COL11A1: variants seen among roughly 807,000 people sequenced by gnomAD.
COL11A1 encodes collagen alpha-1(XI) chain.
Under a neutral mutation model 265.2 loss-of-function variants are expected in COL11A1, and 74 were observed. That is an observed-to-expected ratio of 0.28 (90% CI 0.23 to 0.34). The LOEUF is 0.34. Among genes scored for constraint, COL11A1 ranks in the 10% least tolerant of loss-of-function variants. The probability of loss-of-function intolerance (pLI) is 1.00; values close to 1 mark genes in which losing one functional copy is unlikely to be tolerated. For missense variants in COL11A1, 2,165 were observed against 2,263.6 expected, an observed-to-expected ratio of 0.96 and a Z score of 0.88; for synonymous variants, 816 against 727.6, an observed-to-expected ratio of 1.12 and a Z score of -1.96.
chr1:103,074,330 C>T (rs913600773), intron 4 of COL11A1, among the ~76,000 whole-genome samples: 4 of 151,990 alleles, frequency 2.6e-5, no homozygotes, highest in Admixed American at 6.6e-5. Flanking sequence ...ATAATACAAA[C>T]TACTAAGAGT....
At chr1:103,008,418 CAAA>C (rs750394102) in intron 15 of COL11A1, 42 bp downstream of exon 15, 2 of 1,510,922 alleles carry the variant, frequency 1.3e-6, no homozygotes, top group South Asian at 2.3e-5. Flanking sequence ...TATGCTGTAT[CAAA>C]GAAGCCAGTC....
intron 41 of COL11A1, among the ~76,000 whole-genome samples, chr1:102,960,504 A>G (rs902571189): frequency 4.6e-5 from 7 of 151,950 alleles, no homozygotes; most frequent in Non-Finnish European, 8.8e-5. Flanking sequence ...GGGAATTTTT[A>G]CAAATACATG....
At chr1:102,885,591 A>T (rs914025984) in intron 63 of COL11A1, among the ~76,000 whole-genome samples, 1 of 152,140 alleles carries the variant, frequency 6.6e-6, no homozygotes, top group Admixed American at 6.6e-5. Flanking sequence ...CCATTAATAT[A>T]ATCATGTCTG....
intron 2 of COL11A1, among the ~76,000 whole-genome samples, chr1:103,079,423 G>T (rs897561037): frequency 2.6e-5 from 4 of 152,102 alleles, no homozygotes; most frequent in Non-Finnish European, 5.9e-5. Context: ...GAACTATTAG[G>T]TAATTGGCTA....
intron 4 of COL11A1, among the ~76,000 whole-genome samples, chr1:103,041,458 C>T (rs1400504541): frequency 6.6e-6 from 1 of 151,316 alleles, no homozygotes; most frequent in Non-Finnish European, 1.5e-5. Flanking sequence ...AATTGCATTT[C>T]TATATATTTA....
chr1:102,972,757 G>A (rs1486939327), intron 36 of COL11A1, among the ~76,000 whole-genome samples: 1 of 152,094 alleles, frequency 6.6e-6, no homozygotes, highest in Non-Finnish European at 1.5e-5. Flanking sequence ...AAACTTGTAG[G>A]TAATTGTTTA....
In COL11A1 at chr1:103,014,504, G is replaced by T. The variant is rs779905911; in HGVS notation, c.1572+7C>A. 1.2e-6 allele frequency: 2 copies of T among 1,613,088 alleles called. No homozygotes were observed. The highest frequency in any genetic ancestry group is 1.7e-6 in the Non-Finnish European group (2 of 1,179,214). ...TCTTGTGGGAATGCAAGTTTATCCTGTCTTACCCGAGCCTGCTGAAGAATA... is the reference window on the plus strand; with the variant it reads ...TCTTGTGGGAATGCAAGTTTATCCTTTCTTACCCGAGCCTGCTGAAGAATA... On this transcript the variant is annotated splice_region_variant and intron_variant, in intron 13 of 66. Transcript: ENST00000370096.
At chr1:102,917,164 C>T (rs1655432988) in intron 49 of COL11A1, among the ~76,000 whole-genome samples, 1 of 151,826 alleles carries the variant, frequency 6.6e-6, no homozygotes, top group Non-Finnish European at 1.5e-5. Context: ...AATTCAACTA[C>T]AAGGCTGTAG....
At chr1:102,964,317 A>G (rs1661195261) in intron 38 of COL11A1, among the ~76,000 whole-genome samples, 1 of 152,218 alleles carries the variant, frequency 6.6e-6, no homozygotes, top group Admixed American at 6.5e-5. Context: ...AGTTGTTTTA[A>G]ACAGGAAAAA....
Position 102,939,216 on chromosome 1 carries a change from T to C in COL11A1, c.3385-128A>G, listed in dbSNP as rs1251405668. 7.1e-6 allele frequency: 6 copies of C among 844,526 alleles called. No individual in the cohort carries two copies. In the Admixed American group the frequency reaches 7.6e-5, roughly 11 times the overall value. 52.3% of individuals were successfully genotyped at this position (844,526 alleles called of 1,614,324 possible). Reference sequence around the variant, plus strand: ...TAGTGTGTAATGTCACTGTTTAAAATGGAAAATCTTGGGTTCCCACTGCTT... The same window carrying C: ...TAGTGTGTAATGTCACTGTTTAAAACGGAAAATCTTGGGTTCCCACTGCTT... On this transcript the variant is annotated intron_variant, in intron 43 of 66. Coordinates refer to ENST00000370096, the MANE Select transcript of COL11A1 (RefSeq NM_001854.4).
chr1:102,905,046 A>C (rs2100971312), intron 54 of COL11A1, among the ~76,000 whole-genome samples: 1 of 152,128 alleles, frequency 6.6e-6, no homozygotes, highest in South Asian at 2.1e-4. Context: ...TGCAGCCATA[A>C]AAAATGATGA....
chr1:102,939,473 G>A (rs1658495302), intron 43 of COL11A1, among the ~76,000 whole-genome samples: 1 of 152,130 alleles, frequency 6.6e-6, no homozygotes, highest in Non-Finnish European at 1.5e-5. Context: ...GGAGGTTGAG[G>A]TGAAAGGTTG....
chr1:102,890,391 C>G, intron 58 of COL11A1, 60 bp downstream of exon 58: 2 of 1,376,874 alleles, frequency 1.5e-6, no homozygotes, highest in South Asian at 2.7e-5. Context: ...TCTGCAAAAG[C>G]AGGGCTATTA....
intron 50 of COL11A1, among the ~76,000 whole-genome samples, chr1:102,915,393 C>A (rs1048964660): frequency 2.6e-5 from 4 of 152,084 alleles, no homozygotes; most frequent in Non-Finnish European, 5.9e-5. Flanking sequence ...GTAAACAGCC[C>A]ATAGTTTTAA....
At chr1:102,962,908 C>A (rs1661059559) in intron 38 of COL11A1, 148 bp from the exon 39 acceptor site, 1 of 706,376 alleles carries the variant, frequency 1.4e-6, no homozygotes, top group Admixed American at 2.5e-5. Flanking sequence ...ACATAAAGCA[C>A]TGAAAGTAGC....
At chr1:102,893,305 A>G (rs914483470) in intron 57 of COL11A1, among the ~76,000 whole-genome samples, 2 of 152,136 alleles carry the variant, frequency 1.3e-5, no homozygotes, top group African/African-American at 2.4e-5. Context: ...AATATTATTC[A>G]TGAAGTTAAA....
intron 65 of COL11A1, 110 bp from the exon 66 acceptor site, chr1:102,880,026 A>C: frequency 1.3e-6 from 1 of 761,644 alleles, no homozygotes; most frequent in Non-Finnish European, 2.3e-6. Context: ...ATGTAGATGA[A>C]TCAAAAGACC....
chr1:103,106,904 C>T (rs1488155177), intron 1 of COL11A1, among the ~76,000 whole-genome samples: 1 of 152,144 alleles, frequency 6.6e-6, no homozygotes. Flanking sequence ...CTAAAGCCTA[C>T]GCATTTGGGC....
chr1:103,027,594 A>C (rs940736956), intron 5 of COL11A1, among the ~76,000 whole-genome samples: 1 of 151,658 alleles, frequency 6.6e-6, no homozygotes, highest in Non-Finnish European at 1.5e-5. Flanking sequence ...ATTATGTCTC[A>C]ACTGGATCTC....
Sources: allele counts gnomAD v4.1 joint callset (sites outside exome capture counted in the v4.1 genomes callset), GRCh38; gene constraint gnomAD v4.1.1; transcripts MANE v1.5; gene names NCBI Gene and HGNC (gene_info 2026-07-23, HGNC 2026-07-21).